BBX: variants seen among roughly 807,000 people sequenced by gnomAD.
BBX encodes HMG box transcription factor BBX.
BBX carries 30 observed loss-of-function variants against 100.2 expected under a neutral mutation model. The observed-to-expected ratio is 0.30, with a 90% CI of 0.22 to 0.41. The LOEUF is 0.41. BBX is among the 10% of genes least tolerant of loss of function. The probability of loss-of-function intolerance (pLI) is 1.00; values close to 1 mark genes in which losing one functional copy is unlikely to be tolerated. For missense variants in BBX, 1,023 were observed against 1,129.8 expected (o/e 0.91, Z 1.35); for synonymous variants, 376 against 388.1 (o/e 0.97, Z 0.37).
intron 3 of BBX, among the ~76,000 whole-genome samples, chr3:107,650,017 C>A (rs1261410022): frequency 1.3e-5 from 2 of 152,140 alleles, no homozygotes; most frequent in Non-Finnish European, 2.9e-5. Context: ...AATGGTGCTA[C>A]TGAAATTTTT....
At chr3:107,528,392 GTTACCTC>G (rs1234729435) in intron 2 of BBX, among the ~76,000 whole-genome samples, 2 of 152,178 alleles carry the variant, frequency 1.3e-5, no homozygotes, top group Non-Finnish European at 2.9e-5. Flanking sequence ...GTTTCCTAGT[GTTACCTC>G]TTTGGAGGTA....
chr3:107,653,075 A>G (rs1032255588), intron 3 of BBX, among the ~76,000 whole-genome samples: 8 of 152,184 alleles, frequency 5.3e-5, no homozygotes, highest in Non-Finnish European at 1.0e-4. Context: ...TGGTGTTGAT[A>G]AGCATCTCCT....
intron 2 of BBX, among the ~76,000 whole-genome samples, chr3:107,629,866 T>A (rs2056438197): frequency 6.6e-6 from 1 of 152,178 alleles, no homozygotes; most frequent in South Asian, 2.1e-4. Context: ...GAGACTTTCC[T>A]CCAACACCAT....
At chr3:107,724,368 T>C (rs1184260320) in intron 5 of BBX, among the ~76,000 whole-genome samples, 1 of 152,158 alleles carries the variant, frequency 6.6e-6, no homozygotes, top group Non-Finnish European at 1.5e-5. Flanking sequence ...GCCTGTTCAC[T>C]CTGATGGTAG....
rs142985310 is a variant in BBX, at chr3:107,628,224, A to G, written c.-83-17612A>G. On this transcript the variant is annotated intron_variant, in intron 2 of 17. Coordinates refer to ENST00000325805, the MANE Select transcript of BBX (RefSeq NM_001142568.3). Reference sequence around the variant, plus strand: ...TACCAACTTTAAAGATAGAAATTCTATACAATTTTAAAGTATAGAAAGGTA... The same window carrying G: ...TACCAACTTTAAAGATAGAAATTCTGTACAATTTTAAAGTATAGAAAGGTA... 7.4e-3 allele frequency among the ~76,000 whole-genome samples: 1,124 copies of G among 152,210 alleles called. 25 individuals carry two copies. The highest frequency in any genetic ancestry group is 0.042 in the Admixed American group (647 of 15,288).
intron 10 of BBX, among the ~76,000 whole-genome samples, chr3:107,769,263 A>T (rs2066696804): frequency 6.6e-6 from 1 of 152,052 alleles, no homozygotes; most frequent in South Asian, 2.1e-4. Context: ...AATCTGATAG[A>T]TAGAAAAAAT....
At chr3:107,594,326 G>A (rs565872811) in intron 2 of BBX, among the ~76,000 whole-genome samples, 3 of 152,092 alleles carry the variant, frequency 2.0e-5, no homozygotes, top group Non-Finnish European at 4.4e-5. Flanking sequence ...CTTCCTTGGT[G>A]ACTTCTTCCC....
chr3:107,633,145 TATA>T (rs746433380), intron 2 of BBX, among the ~76,000 whole-genome samples: 21 of 152,128 alleles, frequency 1.4e-4, no homozygotes, highest in Non-Finnish European at 1.9e-4. Flanking sequence ...TATAAGTTAC[TATA>T]ATAATTTTTA....
At chr3:107,673,891 T>C (rs183342936) in intron 3 of BBX, among the ~76,000 whole-genome samples, 47 of 152,314 alleles carry the variant, frequency 3.1e-4, no homozygotes, top group Admixed American at 5.9e-4. Context: ...AAAACACGCA[T>C]AGAGCAGTTT....
intron 2 of BBX, among the ~76,000 whole-genome samples, chr3:107,551,901 T>A (rs981017623): frequency 3.3e-5 from 5 of 152,218 alleles, no homozygotes; most frequent in Non-Finnish European, 7.3e-5. Flanking sequence ...TTATCCTTTT[T>A]CATGTAAGAG....
At chr3:107,670,972 AGTTGAGGAAT>A (rs2058992324) in intron 3 of BBX, among the ~76,000 whole-genome samples, 1 of 152,072 alleles carries the variant, frequency 6.6e-6, no homozygotes, top group Admixed American at 6.6e-5. Context: ...ATATATGGCT[AGTTGAGGAAT>A]GTCTGTTAGT....
At chr3:107,697,506 C>T (rs1233536950) in intron 3 of BBX, among the ~76,000 whole-genome samples, 1 of 151,884 alleles carries the variant, frequency 6.6e-6, no homozygotes, top group Non-Finnish European at 1.5e-5. Flanking sequence ...AGTTAGGCTG[C>T]TCGGGGGTCA....
Position 107,716,794 on chromosome 3 carries a change from G to C in BBX, c.350G>C (p.Trp117Ser). Residue 117 changes from tryptophan to serine, a missense_variant, in exon 5 of 18, where the codon TGG becomes TCG. By Grantham distance (177) the Trp-to-Ser change is radical. Around this residue, in one of 9 missense-constraint regions of BBX, gnomAD observed 229 missense variants for 226.3 expected, o/e 1.01. Transcript: ENST00000325805. ...GGTGCTACCAAGATACTAGCTGATT[G>C]GTGGGCTGTTCTTGATCCAAAGGAA... is the stretch of plus-strand genomic sequence containing the variant. ...NRGATKILAD[W>S]WAVLDPKEKQ... 1 of 1,613,674 alleles carries C rather than the reference G, an allele frequency of 6.2e-7. No homozygotes were observed. The highest frequency in any genetic ancestry group is 8.5e-7 in the Non-Finnish European group (1 of 1,179,690).
At chr3:107,674,729 A>G (rs2059195495) in intron 3 of BBX, 1 of 152,642 alleles carries the variant, frequency 6.6e-6, no homozygotes, top group African/African-American at 2.4e-5. Flanking sequence ...CTCAAAAGCA[A>G]TTCACATGTG....
rs754738815 is a variant in BBX at position 107,716,679 on chromosome 3, C to G, written c.235C>G (p.Arg79Gly). The G allele has an allele frequency of 9.9e-6, 16 of 1,613,754 alleles. No homozygotes were observed. Among genetic ancestry groups the G allele is most frequent in the African/African-American group, 1.3e-5 (1 of 75,004 alleles). ...TGAAGATGATGAATCACCAGAGCAG[C>G]GAGCCCGGAGACCAATGAATGCATT... ...ETEDDESPEQ[R>G]ARRPMNAFLL... The change falls in exon 5 of 18, where the codon CGA becomes GGA. Residue 79 changes from arginine to glycine, a missense_variant. Physicochemically the swap from Arg to Gly is moderately radical, Grantham distance 125. Around this residue, in one of 9 missense-constraint regions of BBX, gnomAD observed 229 missense variants for 226.3 expected, o/e 1.01. Coordinates refer to ENST00000325805, the MANE Select transcript of BBX (RefSeq NM_001142568.3).
chr3:107,666,168 C>T (rs950624080), intron 3 of BBX, among the ~76,000 whole-genome samples: 6 of 152,196 alleles, frequency 3.9e-5, no homozygotes, highest in South Asian at 2.1e-4. Context: ...GATCAGGCTA[C>T]AATGGGAAGG....
intron 8 of BBX, among the ~76,000 whole-genome samples, chr3:107,744,925 G>T (rs1160129287): frequency 6.6e-6 from 1 of 152,116 alleles, no homozygotes; most frequent in Non-Finnish European, 1.5e-5. Context: ...TATCATTAAA[G>T]TCATACTAAA....
At chr3:107,622,666 G>A (rs552450642) in intron 2 of BBX, among the ~76,000 whole-genome samples, 1 of 152,238 alleles carries the variant, frequency 6.6e-6, no homozygotes, top group African/African-American at 2.4e-5. Context: ...GTTGATATCT[G>A]TTGCTTGAGT....
chr3:107,712,446 A>G (rs374968839), intron 4 of BBX, among the ~76,000 whole-genome samples: 1 of 152,160 alleles, frequency 6.6e-6, no homozygotes, highest in Non-Finnish European at 1.5e-5. Flanking sequence ...TCCCTTTCTC[A>G]GTAAAGGGCA....
Sources: allele counts gnomAD v4.1 joint callset (sites outside exome capture counted in the v4.1 genomes callset), GRCh38; gene constraint gnomAD v4.1.1; regional missense constraint gnomAD v4.1.1; transcripts MANE v1.5; gene names NCBI Gene and HGNC (gene_info 2026-07-23, HGNC 2026-07-21).